The following RBFOX1 variants were observed in gnomAD, a reference collection of about 807,000 sequenced individuals.
The protein encoded by RBFOX1 is RNA binding fox-1 homolog 1.
A neutral mutation model predicts 57.7 loss-of-function variants in RBFOX1; 8 were observed. The ratio of observed to expected loss-of-function variants is 0.14; its 90% CI spans 0.08 to 0.25. RBFOX1 has a LOEUF of 0.25. Among genes scored for constraint, RBFOX1 ranks in the 10% least tolerant of loss-of-function variants. The pLI is 1.00. For missense variants in RBFOX1, 611 were observed against 548.5 expected (o/e 1.11, Z -1.14); for synonymous variants, 326 against 222.4 (o/e 1.47, Z -4.15).
intron 3 of RBFOX1, among the ~76,000 whole-genome samples, chr16:6,706,752 A>T (rs13337931): frequency 0.041 from 6,132 of 149,852 alleles, 374 homozygotes; most frequent in African/African-American, 0.13. Flanking sequence ...CAGAGTTCCA[A>T]TCTTACAAGA....
intron 4 of RBFOX1, among the ~76,000 whole-genome samples, chr16:7,070,934 A>T (rs919600986): frequency 5.3e-5 from 8 of 152,174 alleles, no homozygotes; most frequent in African/African-American, 1.9e-4. Context: ...AGCAGGACTC[A>T]GCTTGGAATT....
At chr16:5,732,630 T>A (rs1488457326) in intron 3 of RBFOX1, among the ~76,000 whole-genome samples, 7 of 152,148 alleles carry the variant, frequency 4.6e-5, no homozygotes, top group Non-Finnish European at 7.4e-5. Context: ...AGGTAAAAAA[T>A]TCCCTTTTTG....
intron 3 of RBFOX1, among the ~76,000 whole-genome samples, chr16:6,897,591 T>G (rs12929131): frequency 3.3e-5 from 5 of 152,128 alleles, no homozygotes; most frequent in Middle Eastern, 3.4e-3. Context: ...GTCAGGAGTT[T>G]GACCAGTCTG....
intron 4 of RBFOX1, among the ~76,000 whole-genome samples, chr16:5,984,001 T>A (rs1413887809): frequency 4.3e-5 from 6 of 138,908 alleles, no homozygotes; most frequent in Non-Finnish European, 9.3e-5. Context: ...ATTCTTCTTC[T>A]TCTCCTTCCT....
intron 3 of RBFOX1, among the ~76,000 whole-genome samples, chr16:5,664,597 C>T (rs1022907663): frequency 7.2e-5 from 11 of 152,164 alleles, no homozygotes; most frequent in African/African-American, 2.6e-4. Flanking sequence ...TGCCACAGGA[C>T]CCAGTAATCT....
At chr16:5,644,504 C>T (rs2048984525) in intron 3 of RBFOX1, among the ~76,000 whole-genome samples, 1 of 152,072 alleles carries the variant, frequency 6.6e-6, no homozygotes, top group Non-Finnish European at 1.5e-5. Flanking sequence ...CCTTAAAGTC[C>T]AGAACCACCC....
At chr16:7,500,089 G>C (rs987702915) in intron 4 of RBFOX1, among the ~76,000 whole-genome samples, 1 of 152,054 alleles carries the variant, frequency 6.6e-6, no homozygotes, top group Non-Finnish European at 1.5e-5. Flanking sequence ...CATTCAATCA[G>C]GCAGACGTCC....
At chr16:5,467,349 C>A in intron 2 of RBFOX1, 2 of 1,204,582 alleles carry the variant, frequency 1.7e-6, no homozygotes, top group Non-Finnish European at 2.3e-6. Context: ...TGCAACTTCA[C>A]TGCCCAGGGC....
chr16:6,085,980 C>T (rs1197634039), intron 1 of RBFOX1, among the ~76,000 whole-genome samples: 2 of 152,114 alleles, frequency 1.3e-5, no homozygotes, highest in Non-Finnish European at 2.9e-5. Context: ...TCTCTTCCCC[C>T]AGCCCCCTAC....
intron 4 of RBFOX1, among the ~76,000 whole-genome samples, chr16:7,411,866 G>T (rs1273990201): frequency 7.2e-6 from 1 of 139,732 alleles, no homozygotes; most frequent in East Asian, 2.2e-4. Context: ...TCATGCCATT[G>T]CATTCCAGCC....
At chr16:5,258,978 C>G (rs1044426694) in intron 1 of RBFOX1, among the ~76,000 whole-genome samples, 1 of 151,970 alleles carries the variant, frequency 6.6e-6, no homozygotes, top group East Asian at 1.9e-4. Flanking sequence ...CCCATCTGGC[C>G]CCTGCTCCTT....
At chr16:7,031,914 G>A (rs753229614) in intron 3 of RBFOX1, among the ~76,000 whole-genome samples, 2 of 152,020 alleles carry the variant, frequency 1.3e-5, no homozygotes, top group Non-Finnish European at 2.9e-5. Context: ...TATAATTACG[G>A]AGGCCCTGCT....
intron 3 of RBFOX1, among the ~76,000 whole-genome samples, chr16:6,929,033 T>A (rs1473539599): frequency 6.6e-6 from 1 of 152,136 alleles, no homozygotes; most frequent in Non-Finnish European, 1.5e-5. Context: ...AGGGAGCAGA[T>A]GTGAGCCAGT....
chr16:7,464,481 A>G (rs973153980), intron 4 of RBFOX1, among the ~76,000 whole-genome samples: 2 of 152,020 alleles, frequency 1.3e-5, no homozygotes, highest in African/African-American at 4.8e-5. Context: ...TTATGGCAGA[A>G]TGGGATTTGG....
At chr16:6,377,968 C>T (rs967983864) in intron 2 of RBFOX1, among the ~76,000 whole-genome samples, 3 of 152,132 alleles carry the variant, frequency 2.0e-5, no homozygotes, top group Admixed American at 6.5e-5. Flanking sequence ...GTCCTGTCAC[C>T]AATCCTGGTG....
chr16:7,467,922 C>T (rs1274061148), intron 4 of RBFOX1, among the ~76,000 whole-genome samples: 2 of 152,178 alleles, frequency 1.3e-5, no homozygotes, highest in Non-Finnish European at 2.9e-5. Context: ...CTTGGTATGT[C>T]CATCATTTGT....
intron 4 of RBFOX1, among the ~76,000 whole-genome samples, chr16:7,173,372 T>A (rs571213521): frequency 6.6e-6 from 1 of 152,298 alleles, no homozygotes; most frequent in African/African-American, 2.4e-5. Context: ...CCATTCACTG[T>A]CATGCTATAA....
Position 5,883,432 on chromosome 16 carries a change from C to G in RBFOX1, c.351+16097C>G, listed in dbSNP as rs1419241592. Among the ~76,000 whole-genome samples the G allele has an allele frequency of 3.9e-5, 6 of 152,028 alleles. 1 individual carries two copies. The highest frequency in any genetic ancestry group is 3.9e-4 in the Admixed American group (6 of 15,258). On this transcript the variant is annotated intron_variant, in intron 4 of 19. Coordinates refer to the RBFOX1 transcript ENST00000641259. ...TGAAACAAAGCTACTTGGTAACTGC[C>G]TCATAACTATTCATCTCTTAGCATT...
chr16:5,937,282 A>G (rs2059186037), intron 4 of RBFOX1, among the ~76,000 whole-genome samples: 1 of 152,188 alleles, frequency 6.6e-6, no homozygotes, highest in Admixed American at 6.5e-5. Flanking sequence ...CACTTTGTGA[A>G]CAAACTTGGC....
Sources: allele counts gnomAD v4.1 joint callset (sites outside exome capture counted in the v4.1 genomes callset), GRCh38; gene constraint gnomAD v4.1.1; transcripts MANE v1.5; gene names NCBI Gene and HGNC (gene_info 2026-07-23, HGNC 2026-07-21).